ZBTB20: variants seen among roughly 807,000 people sequenced by gnomAD.
ZBTB20 encodes the protein zinc finger and BTB domain-containing protein 20.
ZBTB20 carries 9 observed loss-of-function variants against 56.9 expected under a neutral mutation model. The observed-to-expected ratio is 0.16, with a 90% CI of 0.10 to 0.28. ZBTB20 has a LOEUF of 0.28. ZBTB20 is among the 10% of genes least tolerant of loss of function. The pLI, the probability that ZBTB20 is intolerant of heterozygous loss-of-function variation, is 1.00. For missense variants in ZBTB20, 655 were observed against 1,003.0 expected, an observed-to-expected ratio of 0.65 and a Z score of 4.69; for synonymous variants, 417 against 420.7, an observed-to-expected ratio of 0.99 and a Z score of 0.11.
chr3:114,972,269 T>C (rs2077915506), intron 3 of ZBTB20, among the ~76,000 whole-genome samples: 1 of 152,204 alleles, frequency 6.6e-6, no homozygotes, highest in Non-Finnish European at 1.5e-5. Context: ...GTCTTTTTAT[T>C]CTGAACAACC....
intron 3 of ZBTB20, among the ~76,000 whole-genome samples, chr3:114,917,362 G>C (rs2075785936): frequency 6.6e-6 from 1 of 152,070 alleles, no homozygotes; most frequent in Non-Finnish European, 1.5e-5. Flanking sequence ...TTGATCCTTG[G>C]TGCCTTATTT....
intron 7 of ZBTB20, among the ~76,000 whole-genome samples, chr3:114,478,700 T>C (rs2041161921): frequency 6.6e-6 from 1 of 152,210 alleles, no homozygotes; most frequent in South Asian, 2.1e-4. Flanking sequence ...CATATGTGTA[T>C]GTGTGAGAGT....
At chr3:114,850,057 G>A (rs770058465) in intron 4 of ZBTB20, among the ~76,000 whole-genome samples, 2 of 151,766 alleles carry the variant, frequency 1.3e-5, no homozygotes, top group East Asian at 1.9e-4. Context: ...CCGCCACCAC[G>A]CCTGGCTAAT....
At chr3:114,523,136 T>C (rs2046825218) in intron 6 of ZBTB20, among the ~76,000 whole-genome samples, 2 of 151,228 alleles carry the variant, frequency 1.3e-5, no homozygotes, top group Admixed American at 1.3e-4. Context: ...ATCAGGAGAG[T>C]GTGGTGGACT....
rs2108945509 is a variant in ZBTB20, at chr3:114,828,098, T to C, written c.-416-26924A>G. The stretch of plus-strand genomic sequence containing the variant: ...TTACAAACATATTTTAATCTTATAA[T>C]AGGTTCATAATTTATATACCTATTG... On this transcript the variant is annotated intron_variant, in intron 4 of 11. Transcript: ENST00000675478. 1.3e-5 allele frequency among the ~76,000 whole-genome samples: 2 copies of C among 151,924 alleles called. 1 individual carries two copies. The highest frequency in any genetic ancestry group is 4.1e-4 in the South Asian group (2 of 4,828).
chr3:114,770,339 C>T (rs537665813), intron 5 of ZBTB20, among the ~76,000 whole-genome samples: 24 of 151,672 alleles, frequency 1.6e-4, no homozygotes, highest in Non-Finnish European at 3.4e-4. Flanking sequence ...ACTCAGGAGG[C>T]TGAGGCAGGA....
At chr3:114,780,708 G>A (rs1173912310) in intron 5 of ZBTB20, among the ~76,000 whole-genome samples, 1 of 152,060 alleles carries the variant, frequency 6.6e-6, no homozygotes. Context: ...GGATGGTCTC[G>A]ATCTCTTGAT....
chr3:114,845,813 A>G (rs2074672217), intron 4 of ZBTB20, among the ~76,000 whole-genome samples: 1 of 152,186 alleles, frequency 6.6e-6, no homozygotes, highest in South Asian at 2.1e-4. Context: ...ACATTCTTAT[A>G]TTATGCGAAA....
At chr3:114,825,721 C>T (rs1305731554) in intron 4 of ZBTB20, among the ~76,000 whole-genome samples, 2 of 151,796 alleles carry the variant, frequency 1.3e-5, no homozygotes, top group East Asian at 1.9e-4. Context: ...CATTGATTTA[C>T]GTTGGTAAAT....
intron 6 of ZBTB20, among the ~76,000 whole-genome samples, chr3:114,652,676 A>T (rs1466045066): frequency 6.6e-6 from 1 of 151,988 alleles, no homozygotes; most frequent in African/African-American, 2.4e-5. Context: ...GCAATCTCAT[A>T]TACATTTTAA....
rs556660606 is a variant in ZBTB20 at position 115,013,038 on chromosome 3, T to C, written c.-506-38622A>G. On this transcript the variant is annotated intron_variant, in intron 2 of 11. Coordinates refer to ENST00000675478, the MANE Select transcript of ZBTB20 (RefSeq NM_001348800.3). ...AACAAATGATAGTAAAAACACAACA[T>C]GCCAAAATCTATGGGATACAGCAAA... Among the ~76,000 whole-genome samples the C allele has an allele frequency of 2.0e-5, 3 of 151,750 alleles. No homozygotes were observed. In the East Asian group the frequency reaches 5.9e-4, roughly 30 times the overall value.
intron 2 of ZBTB20, among the ~76,000 whole-genome samples, chr3:115,031,460 A>T (rs1011106783): frequency 1.3e-5 from 2 of 151,506 alleles, no homozygotes; most frequent in African/African-American, 4.8e-5. Flanking sequence ...ATTTACTGCT[A>T]ATGTCAATTT....
At chr3:115,056,123 T>C (rs1456164074) in intron 2 of ZBTB20, among the ~76,000 whole-genome samples, 2 of 152,012 alleles carry the variant, frequency 1.3e-5, no homozygotes, top group Non-Finnish European at 2.9e-5. Flanking sequence ...CATATAAGCA[T>C]GTATGGGAGT....
At chr3:114,434,558 T>TTGTGTGTCTGTG (rs1553712033) in intron 7 of ZBTB20, among the ~76,000 whole-genome samples, 4 of 145,944 alleles carry the variant, frequency 2.7e-5, no homozygotes, top group African/African-American at 1.0e-4. Context: ...GTGTGTGTGT[T>TTGTGTGTCTGTG]TGTGTGTGTG....
intron 1 of ZBTB20, among the ~76,000 whole-genome samples, chr3:115,139,027 T>C (rs1446743946): frequency 6.6e-6 from 1 of 152,050 alleles, no homozygotes; most frequent in East Asian, 1.9e-4. Flanking sequence ...ATACCACCTT[T>C]TGGGTCCAAC....
At chr3:114,438,866 G>T (rs1434382001) in intron 7 of ZBTB20, among the ~76,000 whole-genome samples, 1 of 152,156 alleles carries the variant, frequency 6.6e-6, no homozygotes, top group Admixed American at 6.6e-5. Flanking sequence ...GTATACCCAT[G>T]AAGCTGGCCC....
chr3:115,133,914 C>T (rs997863687), intron 1 of ZBTB20, among the ~76,000 whole-genome samples: 1 of 152,160 alleles, frequency 6.6e-6, no homozygotes, highest in African/African-American at 2.4e-5. Flanking sequence ...TTGACAGGCT[C>T]ATTTTCTTTT....
intron 5 of ZBTB20, among the ~76,000 whole-genome samples, chr3:114,711,898 G>T (rs1041034619): frequency 6.6e-6 from 1 of 152,122 alleles, no homozygotes; most frequent in Non-Finnish European, 1.5e-5. Context: ...TTGACGATGC[G>T]CTATATAAAA....
At chr3:114,759,814 A>G (rs1306484810) in intron 5 of ZBTB20, among the ~76,000 whole-genome samples, 1 of 152,144 alleles carries the variant, frequency 6.6e-6, no homozygotes, top group African/African-American at 2.4e-5. Flanking sequence ...AATGCTGAGA[A>G]TTTTGCTTGA....
Sources: allele counts gnomAD v4.1 joint callset (sites outside exome capture counted in the v4.1 genomes callset), GRCh38; gene constraint gnomAD v4.1.1; transcripts MANE v1.5; gene names NCBI Gene and HGNC (gene_info 2026-07-23, HGNC 2026-07-21).